Variants in NAALADL2 observed in about 807,000 individuals in gnomAD.
NAALADL2 encodes N-acetylated alpha-linked acidic dipeptidase like 2.
A neutral mutation model predicts 87.2 loss-of-function variants in NAALADL2; 76 were observed. That is an observed-to-expected ratio of 0.87 (90% CI 0.72 to 1.05). NAALADL2 has a LOEUF of 1.05. NAALADL2 is among the 50% of genes least tolerant of loss of function. NAALADL2 has a pLI of 0.00. For missense variants in NAALADL2, 1,089 were observed against 945.8 expected (o/e 1.15, Z -1.99); for synonymous variants, 354 against 331.0 (o/e 1.07, Z -0.75).
chr3:175,038,961 T>C (rs569988144), intron 1 of NAALADL2, among the ~76,000 whole-genome samples: 1 of 152,234 alleles, frequency 6.6e-6, no homozygotes, highest in East Asian at 1.9e-4. Context: ...AAAAATGCTA[T>C]CTAGTCAAAC....
chr3:175,600,808 A>G (rs530394292), intron 10 of NAALADL2, among the ~76,000 whole-genome samples: 1 of 152,158 alleles, frequency 6.6e-6, no homozygotes, highest in South Asian at 2.1e-4. Context: ...AAGTGCTGGG[A>G]TTACAGGCGT....
chr3:175,774,345 A>G (rs1040015280), intron 13 of NAALADL2, among the ~76,000 whole-genome samples: 2 of 152,104 alleles, frequency 1.3e-5, no homozygotes, highest in African/African-American at 4.8e-5. Context: ...TGTTTGACTT[A>G]TATGAATGTT....
At chr3:175,306,994 G>T (rs1392862869) in intron 4 of NAALADL2, among the ~76,000 whole-genome samples, 2 of 152,126 alleles carry the variant, frequency 1.3e-5, no homozygotes, top group Non-Finnish European at 2.9e-5. Context: ...GAATCCTCAT[G>T]TACAAGAATT....
intron 5 of NAALADL2, among the ~76,000 whole-genome samples, chr3:175,342,502 T>TTGTG (rs1417537706): frequency 7.4e-6 from 1 of 135,442 alleles, no homozygotes; most frequent in African/African-American, 3.6e-5. Flanking sequence ...TTGCCAAATA[T>TTGTG]TGCGTGTGTG....
At chr3:175,198,655 TG>T (rs1739362065) in intron 2 of NAALADL2, among the ~76,000 whole-genome samples, 1 of 151,970 alleles carries the variant, frequency 6.6e-6, no homozygotes, top group African/African-American at 2.4e-5. Flanking sequence ...AAACATACTG[TG>T]GGGGAATAAA....
At chr3:175,156,812 T>C (rs1732401068) in intron 2 of NAALADL2, among the ~76,000 whole-genome samples, 1 of 152,084 alleles carries the variant, frequency 6.6e-6, no homozygotes, top group Non-Finnish European at 1.5e-5. Context: ...AAGAGGTACC[T>C]CTAGACCTAT....
At chr3:174,606,923 CGGGTT>C (rs1419355118) in intron 2 of NAALADL2, among the ~76,000 whole-genome samples, 1 of 151,874 alleles carries the variant, frequency 6.6e-6, no homozygotes, top group Non-Finnish European at 1.5e-5. Flanking sequence ...CCAGAAAGGT[CGGGTT>C]ACCCACAAAG....
intron 9 of NAALADL2, among the ~76,000 whole-genome samples, chr3:175,511,029 C>T (rs1731079242): frequency 6.6e-6 from 1 of 152,170 alleles, no homozygotes; most frequent in East Asian, 1.9e-4. Flanking sequence ...GAATATCTCT[C>T]TCAACAATTA....
chr3:175,447,536 A>G (rs1004870379), intron 6 of NAALADL2, among the ~76,000 whole-genome samples, 164 bp downstream of exon 6: 1 of 152,196 alleles, frequency 6.6e-6, no homozygotes, highest in Non-Finnish European at 1.5e-5. Flanking sequence ...GCATGTTTGG[A>G]AAGTAATTTT....
intron 11 of NAALADL2, chr3:175,675,739 G>C (rs1016049624): frequency 1.3e-5 from 2 of 152,140 alleles, no homozygotes; most frequent in Non-Finnish European, 2.9e-5. Context: ...ACTCTTGTCA[G>C]CATGAATACT....
At chr3:174,696,955 A>G (rs1729078485) in intron 2 of NAALADL2, among the ~76,000 whole-genome samples, 1 of 152,136 alleles carries the variant, frequency 6.6e-6, no homozygotes, top group African/African-American at 2.4e-5. Context: ...TTTAAGCAGA[A>G]CAAGAACAAG....
chr3:174,692,969 A>G (rs553017126), intron 2 of NAALADL2, among the ~76,000 whole-genome samples: 1 of 71,548 alleles, frequency 1.4e-5, no homozygotes, highest in South Asian at 3.5e-4. Context: ...CTTGAGATTC[A>G]ACATACAGAA....
rs1045566736 is a variant in NAALADL2 at position 174,728,589 on chromosome 3, T to G, written c.-114-9052T>G. On this transcript the variant is annotated intron_variant, in intron 2 of 3. Coordinates refer to the NAALADL2 transcript ENST00000434257. ...CTCTCACCAGTGTACTTGAAAGCAT[T>G]TTTCATGAGTTACTTGATTTTTAGT... is the stretch of plus-strand genomic sequence containing the variant. Among the ~76,000 whole-genome samples, 6 of 152,000 alleles carry G rather than the reference T, an allele frequency of 3.9e-5. No individual in the cohort carries two copies. In the East Asian group the frequency reaches 1.2e-3, roughly 29 times the overall value.
chr3:174,685,664 TACTTTTATTTA>T (rs66547976), intron 2 of NAALADL2, among the ~76,000 whole-genome samples: 113,812 of 151,518 alleles, frequency 0.75, 42,934 homozygotes, highest in East Asian at 0.89. Flanking sequence ...TTTATCCATT[TACTTTTATTTA>T]ACTTTTATTA....
intron 2 of NAALADL2, among the ~76,000 whole-genome samples, chr3:174,623,003 A>G (rs1241619914): frequency 6.6e-6 from 1 of 152,248 alleles, no homozygotes; most frequent in African/African-American, 2.4e-5. Flanking sequence ...AGATCGCGCC[A>G]CTGCACACCA....
intron 1 of NAALADL2, among the ~76,000 whole-genome samples, chr3:175,044,059 G>A (rs1005929623): frequency 4.6e-5 from 7 of 151,898 alleles, no homozygotes; most frequent in African/African-American, 1.5e-4. Context: ...TTTCATCAAT[G>A]TTTTATAGTT....
intron 9 of NAALADL2, among the ~76,000 whole-genome samples, chr3:175,538,837 G>A (rs1453209391): frequency 6.6e-6 from 1 of 152,106 alleles, no homozygotes; most frequent in African/African-American, 2.4e-5. Context: ...AAACCATCCA[G>A]CTTACCTCTT....
At chr3:175,323,814 G>A (rs572322584) in intron 4 of NAALADL2, among the ~76,000 whole-genome samples, 5 of 151,670 alleles carry the variant, frequency 3.3e-5, no homozygotes, top group East Asian at 2.0e-4. Context: ...TCAGGCGATC[G>A]AGACCATCCT....
chr3:175,300,483 C>T (rs916287918), intron 4 of NAALADL2, among the ~76,000 whole-genome samples: 3 of 152,036 alleles, frequency 2.0e-5, no homozygotes, highest in African/African-American at 7.2e-5. Flanking sequence ...TTGGTCTATT[C>T]AGTGATTCAA....
Sources: allele counts gnomAD v4.1 joint callset (sites outside exome capture counted in the v4.1 genomes callset), GRCh38; gene constraint gnomAD v4.1.1; transcripts MANE v1.5; gene names NCBI Gene and HGNC (gene_info 2026-07-23, HGNC 2026-07-21).